The following ALKBH3 variants were observed in gnomAD, a reference collection of about 807,000 sequenced individuals.
ALKBH3 encodes the protein alkB homolog 3, alpha-ketoglutarate dependent dioxygenase, also known as alpha-ketoglutarate-dependent dioxygenase alkB homolog 3.
In ALKBH3, 51 loss-of-function variants were observed where a neutral mutation model predicts 43.9. That is an observed-to-expected ratio of 1.16 (90% CI 0.93 to 1.47). The LOEUF (loss-of-function observed/expected upper bound fraction) is 1.47, where lower values mean the gene tolerates loss of function less well. Among genes scored for constraint, ALKBH3 ranks in the 40% most tolerant of loss-of-function variants. The pLI, the probability that ALKBH3 is intolerant of heterozygous loss-of-function variation, is 0.00. For missense variants in ALKBH3, 361 were observed against 351.9 expected (o/e 1.03, Z -0.21); for synonymous variants, 102 against 115.2 (o/e 0.89, Z 0.73).
intron 4 of ALKBH3, among the ~76,000 whole-genome samples, chr11:43,884,734 AAT>A (rs1951736034): frequency 6.6e-6 from 1 of 152,140 alleles, no homozygotes; most frequent in African/African-American, 2.4e-5. Context: ...GTCGCAGGCT[AAT>A]AGTCTTTGGT....
At chr11:43,912,991 A>G (rs1226343635) in intron 8 of ALKBH3, among the ~76,000 whole-genome samples, 10 of 150,402 alleles carry the variant, frequency 6.6e-5, no homozygotes, top group Non-Finnish European at 1.5e-4. Context: ...AGCAACACTC[A>G]TAAGTCAACC....
At chr11:43,891,710 G>A (rs1246163032) in intron 6 of ALKBH3, among the ~76,000 whole-genome samples, 1 of 152,176 alleles carries the variant, frequency 6.6e-6, no homozygotes, top group Non-Finnish European at 1.5e-5. Context: ...TCCATATTCT[G>A]CTTTTTGAGA....
At chr11:43,901,364 G>A in intron 7 of ALKBH3, 152 bp from the exon 8 acceptor site, 1 of 752,852 alleles carries the variant, frequency 1.3e-6, no homozygotes, top group Non-Finnish European at 2.1e-6. Flanking sequence ...TACTTTTCTT[G>A]CCTTCTGTTT....
intron 3 of ALKBH3, among the ~76,000 whole-genome samples, chr11:43,883,463 C>G (rs778712643): frequency 6.6e-6 from 1 of 152,138 alleles, no homozygotes; most frequent in African/African-American, 2.4e-5. Flanking sequence ...TATTTGAGCT[C>G]CAGCAGTCCT....
chr11:43,894,286 G>C (rs569993937), intron 7 of ALKBH3, among the ~76,000 whole-genome samples: 2 of 152,262 alleles, frequency 1.3e-5, no homozygotes, highest in South Asian at 4.2e-4. Flanking sequence ...GAGGTACCTA[G>C]AACTCTATAC....
chr11:43,880,994 G>A lies in ALKBH3; in HGVS notation c.-256G>A, dbSNP rs1189564324. The A allele has an allele frequency of 6.6e-6, 1 of 152,194 alleles. No homozygotes were observed. Among genetic ancestry groups the A allele is most frequent in the Non-Finnish European group, 1.5e-5 (1 of 68,086 alleles). The allele number at this position is 152,194 out of a possible 1,614,324, so 9.4% of individuals were successfully genotyped here. A position where few individuals can be genotyped will look rare whatever the true frequency, so the allele number is the denominator to read the frequency against. ...TGGGGGTGCGAGTACCACCCCTGAA[G>A]TCTCTTCCTGGGCGACCTCCGGGGC... is the stretch of plus-strand genomic sequence containing the variant. On this transcript the variant is annotated 5_prime_UTR_variant, in exon 1 of 10. Coordinates refer to ENST00000302708, the MANE Select transcript of ALKBH3 (RefSeq NM_139178.4).
chr11:43,898,037 C>T, intron 7 of ALKBH3: 1 of 912,806 alleles, frequency 1.1e-6, no homozygotes, highest in South Asian at 1.3e-5. Context: ...CAAGCAGCGT[C>T]CATGGCTGTT....
intron 7 of ALKBH3, among the ~76,000 whole-genome samples, chr11:43,895,831 G>A (rs1951814809): frequency 6.6e-6 from 1 of 152,200 alleles, no homozygotes; most frequent in Non-Finnish European, 1.5e-5. Flanking sequence ...CGCTTCCAGT[G>A]TAAACTTTAA....
chr11:43,898,905 A>G (rs1307464350), intron 7 of ALKBH3: 3 of 750,770 alleles, frequency 4.0e-6, no homozygotes, highest in Non-Finnish European at 7.5e-6. Flanking sequence ...GTGCATGTGC[A>G]AAGTGCCAGA....
Position 43,883,145 on chromosome 11 carries a change from A to G in ALKBH3, c.140A>G (p.His47Arg). 6.2e-7 allele frequency: 1 copy of G among 1,614,126 alleles called. No individual in the cohort carries two copies. Among genetic ancestry groups the G allele is most frequent in the Non-Finnish European group, 8.5e-7 (1 of 1,180,020 alleles). The change falls in exon 3 of 10, where the codon CAT (histidine) becomes CGT (arginine). Residue 47 changes from histidine to arginine, a missense_variant. His to Arg is a conservative substitution (Grantham distance 29). Transcript: ENST00000302708. ...KPGQTWKNKE[H>R]HLSDREFVFK... ...GGCCAGACCTGGAAGAACAAAGAGC[A>G]TCATCTCTCTGACAGAGAGTTTGTG... is the stretch of plus-strand genomic sequence containing the variant.
At chr11:43,887,272 GT>G (rs1250228942) in intron 5 of ALKBH3, among the ~76,000 whole-genome samples, 3 of 152,084 alleles carry the variant, frequency 2.0e-5, no homozygotes, top group Admixed American at 1.3e-4. Flanking sequence ...TATTTCCCAA[GT>G]TTTTTAGATG....
chr11:43,889,185 G>A (rs1565123291), intron 5 of ALKBH3, among the ~76,000 whole-genome samples: 1 of 152,162 alleles, frequency 6.6e-6, no homozygotes, highest in Admixed American at 6.5e-5. Flanking sequence ...GCGCCACCAC[G>A]CCCAGCTGAT....
At chr11:43,881,332 A>G (rs1487336088) in intron 1 of ALKBH3, 153 bp downstream of exon 1, 1 of 152,280 alleles carries the variant, frequency 6.6e-6, no homozygotes, top group Non-Finnish European at 1.5e-5. Flanking sequence ...GGCGTTAGTT[A>G]ACAAATTCTG....
At chr11:43,907,414 T>C (rs997920529) in intron 8 of ALKBH3, among the ~76,000 whole-genome samples, 1 of 152,198 alleles carries the variant, frequency 6.6e-6, no homozygotes, top group African/African-American at 2.4e-5. Flanking sequence ...CAGTTTTCTA[T>C]TACTAGTGAC....
chr11:43,902,849 G>A (rs999826862), intron 8 of ALKBH3, among the ~76,000 whole-genome samples: 2 of 152,074 alleles, frequency 1.3e-5, no homozygotes, highest in African/African-American at 2.4e-5. Flanking sequence ...CGCCCACCTC[G>A]GCCTCCCAAA....
chr11:43,882,475 G>A (rs1951718498), intron 1 of ALKBH3, 108 bp from the exon 2 acceptor site: 1 of 491,908 alleles, frequency 2.0e-6, no homozygotes, highest in Non-Finnish European at 3.6e-6. Flanking sequence ...ATTTTACATG[G>A]AAGCTCTATT....
At chr11:43,885,272 C>T (rs16937673) in intron 4 of ALKBH3, among the ~76,000 whole-genome samples, 8,770 of 152,148 alleles carry the variant, frequency 0.058, 519 homozygotes, top group Admixed American at 0.2. Flanking sequence ...AAAAAATAGC[C>T]GGAAATGTCT....
chr11:43,889,648 A>T, intron 5 of ALKBH3, 77 bp from the exon 6 acceptor site: 2 of 1,260,112 alleles, frequency 1.6e-6, no homozygotes, highest in Non-Finnish European at 2.3e-6. Flanking sequence ...CATCCAGATT[A>T]ACTGTTTCCA....
rs773338017 is a variant in ALKBH3 at position 43,889,681 on chromosome 11, T to C, written c.267-44T>C. The C allele has an allele frequency of 7.8e-6, 12 of 1,544,076 alleles. No homozygotes were observed. In the South Asian group the frequency reaches 8.9e-5, roughly 12 times the overall value. ...CCACTAACATTTAGAGTCTAACTTA[T>C]CTTTTCCATGTTTTTTGGTTAACAA... On this transcript the variant is annotated intron_variant, in intron 5 of 9. Transcript: ENST00000302708.
Sources: gnomAD v4.1 joint callset for allele counts (sites outside exome capture counted in the v4.1 genomes callset) on GRCh38, gnomAD v4.1.1 for gene constraint, MANE v1.5 for transcripts, NCBI Gene and HGNC (gene_info 2026-07-23, HGNC 2026-07-21) for gene names.